The following SLC12A6 variants were observed in gnomAD, a reference collection of about 807,000 sequenced individuals.
SLC12A6 encodes K-Cl cotransporter 3.
SLC12A6 carries 66 observed loss-of-function variants against 135.3 expected under a neutral mutation model. The ratio of observed to expected loss-of-function variants is 0.49; its 90% CI spans 0.40 to 0.60. The LOEUF is 0.60. SLC12A6 is among the 20% of genes least tolerant of loss of function. The pLI is 0.00. For synonymous variants in SLC12A6, 513 were observed against 508.8 expected, an observed-to-expected ratio of 1.01 and a Z score of -0.11; for missense variants, 1,058 against 1,452.3, an observed-to-expected ratio of 0.73 and a Z score of 4.41.
chr15:34,247,171 G>C (rs1595422625), intron 13 of SLC12A6, among the ~76,000 whole-genome samples: 1 of 152,128 alleles, frequency 6.6e-6, no homozygotes. Flanking sequence ...GTGAAACATA[G>C]CATCAGTTTA....
chr15:34,310,381 T>C (rs113524647), intron 2 of SLC12A6, among the ~76,000 whole-genome samples: 1 of 126,298 alleles, frequency 7.9e-6, no homozygotes, highest in South Asian at 2.9e-4. Flanking sequence ...TGTGTGTCCC[T>C]GTGTCCAGGC....
chr15:34,302,690 C>T (rs976082346), intron 2 of SLC12A6, among the ~76,000 whole-genome samples: 5 of 151,266 alleles, frequency 3.3e-5, no homozygotes, highest in South Asian at 2.1e-4. Context: ...GTGGCTCATG[C>T]CTATAATCTT....
At chr15:34,271,731 G>A (rs778923706) in intron 3 of SLC12A6, among the ~76,000 whole-genome samples, 4 of 151,992 alleles carry the variant, frequency 2.6e-5, no homozygotes, top group Non-Finnish European at 5.9e-5. Flanking sequence ...CAAGAGACCC[G>A]ATGAGTCAGT....
chr15:34,284,167 T>C lies in SLC12A6; in HGVS notation c.272-8778A>G, dbSNP rs146062691. Among the ~76,000 whole-genome samples the C allele has an allele frequency of 3.9e-3, 587 of 152,056 alleles. 1 individual carries two copies. The highest frequency in any genetic ancestry group is 0.031 in the Middle Eastern group (9 of 292). ...AAGAAACCACAGAAAGACATGATAA[T>C]GGCTGTAGTGAAGCTGATGGAGGGA... On this transcript the variant is annotated intron_variant, in intron 2 of 25. Transcript: ENST00000354181.
chr15:34,234,492 C>A (rs750701591), intron 25 of SLC12A6, among the ~76,000 whole-genome samples: 4 of 152,156 alleles, frequency 2.6e-5, no homozygotes, highest in Non-Finnish European at 5.9e-5. Flanking sequence ...CTGCCTCAGC[C>A]TCCCGAGTAG....
chr15:34,251,798 T>C (rs1212763398), intron 10 of SLC12A6, among the ~76,000 whole-genome samples: 2 of 152,154 alleles, frequency 1.3e-5, no homozygotes, highest in South Asian at 2.1e-4. Flanking sequence ...TTCAGGAATT[T>C]AGCTAAGTTA....
intron 2 of SLC12A6, among the ~76,000 whole-genome samples, chr15:34,320,601 C>T (rs1483772630): frequency 7.7e-6 from 1 of 129,332 alleles, no homozygotes; most frequent in Non-Finnish European, 1.6e-5. Context: ...TTGGAATAAA[C>T]AATTTTTTTT....
At chr15:34,268,427 G>A (rs1011699948) in intron 3 of SLC12A6, among the ~76,000 whole-genome samples, 1 of 152,316 alleles carries the variant, frequency 6.6e-6, no homozygotes, top group South Asian at 2.1e-4. Context: ...GGCTCCCAAA[G>A]AGTTCCTGGT....
chr15:34,336,861 TC>T, intron 1 of SLC12A6, 109 bp from the exon 2 acceptor site: 1 of 636,998 alleles, frequency 1.6e-6, no homozygotes, highest in Admixed American at 2.7e-5. Context: ...AAGCCGACTG[TC>T]CTAGAAAGTG....
intron 2 of SLC12A6, among the ~76,000 whole-genome samples, chr15:34,279,712 T>C (rs186532719): frequency 6.6e-6 from 1 of 152,350 alleles, no homozygotes; most frequent in Non-Finnish European, 1.5e-5. Context: ...ATAATGTCAC[T>C]AGTTTTACCC....
chr15:34,324,853 C>CT (rs1213065196), intron 2 of SLC12A6, among the ~76,000 whole-genome samples: 1 of 151,322 alleles, frequency 6.6e-6, no homozygotes, highest in Non-Finnish European at 1.5e-5. Flanking sequence ...TGGTAAAGAA[C>CT]TTTTTTTTTC....
intron 2 of SLC12A6, among the ~76,000 whole-genome samples, chr15:34,309,233 T>C (rs922466575): frequency 1.3e-5 from 2 of 152,202 alleles, no homozygotes; most frequent in Non-Finnish European, 2.9e-5. Flanking sequence ...ATTCTTTAAA[T>C]TTACCAGCTT....
At chr15:34,273,856 A>C (rs1309400756) in intron 3 of SLC12A6, among the ~76,000 whole-genome samples, 2 of 152,178 alleles carry the variant, frequency 1.3e-5, no homozygotes, top group African/African-American at 2.4e-5. Flanking sequence ...TTAGGTAAAG[A>C]AACTATTTTA....
At chr15:34,269,425 T>C (rs889748990) in intron 3 of SLC12A6, among the ~76,000 whole-genome samples, 2 of 152,186 alleles carry the variant, frequency 1.3e-5, no homozygotes, top group African/African-American at 4.8e-5. Context: ...ATACTATAAT[T>C]TGGGCCCTAG....
chr15:34,312,351 T>C (rs1888316533), intron 2 of SLC12A6, among the ~76,000 whole-genome samples: 1 of 152,216 alleles, frequency 6.6e-6, no homozygotes, highest in Admixed American at 6.5e-5. Flanking sequence ...GTTTGGTGAA[T>C]AAAAAAGGCA....
At chr15:34,319,869 T>G (rs1888939972) in intron 2 of SLC12A6, among the ~76,000 whole-genome samples, 3 of 150,400 alleles carry the variant, frequency 2.0e-5, no homozygotes, top group Admixed American at 1.3e-4. Context: ...TTGTACAGAG[T>G]GGTTGTTTCA....
At chr15:34,236,848 G>A in intron 22 of SLC12A6, 33 bp from the exon 23 acceptor site, 8 of 1,190,378 alleles carry the variant, frequency 6.7e-6, no homozygotes, top group Non-Finnish European at 8.8e-6. Context: ...GGGGCAAAAA[G>A]CACAAAGGAG....
chr15:34,318,629 G>A lies in SLC12A6; in HGVS notation c.271+17781C>T, dbSNP rs763835588. The A allele has an allele frequency of 3.8e-5, 61 of 1,612,944 alleles. No homozygotes were observed. The highest frequency in any genetic ancestry group is 1.2e-4 in the Admixed American group (7 of 60,008). ...ACTAGGCTCTTGAGAGATCGAAGCC[G>A]CTGCCCCCTCCTCTGGGTCCTCTAC... is the stretch of plus-strand genomic sequence containing the variant. On this transcript the variant is annotated intron_variant, in intron 2 of 25. Coordinates refer to ENST00000354181, the MANE Select transcript of SLC12A6 (RefSeq NM_001365088.1).
chr15:34,325,436 T>C lies in SLC12A6; in HGVS notation c.271+10974A>G, dbSNP rs1889396052. ...GGTAAGGACTTACAGCTTAAGTCTT[T>C]TAAATCTTGACTTGAAACTGTCTAT... On this transcript the variant is annotated intron_variant, in intron 2 of 25. Coordinates refer to ENST00000354181, the MANE Select transcript of SLC12A6 (RefSeq NM_001365088.1). 2.6e-5 allele frequency among the ~76,000 whole-genome samples: 4 copies of C among 152,324 alleles called. 1 individual carries two copies. The South Asian group carries it at 8.3e-4, about 32-fold the overall frequency.
Sources: allele counts gnomAD v4.1 joint callset (sites outside exome capture counted in the v4.1 genomes callset), GRCh38; gene constraint gnomAD v4.1.1; transcripts MANE v1.5; gene names NCBI Gene and HGNC (gene_info 2026-07-23, HGNC 2026-07-21).